ANO4: variants seen among roughly 807,000 people sequenced by gnomAD.
The protein encoded by ANO4 is anoctamin 4, also known as anoctamin-4.
ANO4 carries 69 observed loss-of-function variants against 141.9 expected under a neutral mutation model. The ratio of observed to expected loss-of-function variants is 0.49; its 90% confidence interval spans 0.40 to 0.59. The LOEUF (loss-of-function observed/expected upper bound fraction) is 0.59. ANO4 is among the 20% of genes least tolerant of loss of function. ANO4 has a pLI of 0.00. For synonymous variants in ANO4, 350 were observed against 394.3 expected, an observed-to-expected ratio of 0.89 and a Z score of 1.33; for missense variants, 894 against 1,162.2, an observed-to-expected ratio of 0.77 and a Z score of 3.36.
intron 1 of ANO4, among the ~76,000 whole-genome samples, chr12:100,872,928 C>T (rs572049333): frequency 6.6e-5 from 10 of 152,214 alleles, no homozygotes; most frequent in South Asian, 6.2e-4. Flanking sequence ...ATCATGGGGG[C>T]GGATTTCCTC....
At chr12:101,089,011 CT>C (rs534990209) in intron 17 of ANO4, among the ~76,000 whole-genome samples, 90 of 152,290 alleles carry the variant, frequency 5.9e-4, no homozygotes, top group African/African-American at 2.0e-3. Flanking sequence ...TATAGTTCCC[CT>C]ATCCTTATTT....
At chr12:100,785,534 A>G (rs1047254528) in intron 3 of ANO4, among the ~76,000 whole-genome samples, 5 of 152,170 alleles carry the variant, frequency 3.3e-5, no homozygotes, top group Non-Finnish European at 7.3e-5. Context: ...ACACTTAGTA[A>G]TATGCATTTA....
At chr12:101,082,914 C>T (rs962782780) in intron 15 of ANO4, among the ~76,000 whole-genome samples, 1 of 152,202 alleles carries the variant, frequency 6.6e-6, no homozygotes, top group Non-Finnish European at 1.5e-5. Flanking sequence ...TAACGGGAAC[C>T]ACATCAGGTT....
chr12:100,752,397 T>C (rs181332741), intron 3 of ANO4, among the ~76,000 whole-genome samples: 5 of 152,138 alleles, frequency 3.3e-5, no homozygotes, highest in South Asian at 2.1e-4. Flanking sequence ...TGAAAAAAAA[T>C]TTAAGGAAAT....
intron 8 of ANO4, among the ~76,000 whole-genome samples, chr12:100,994,295 G>T (rs1555270971): frequency 6.6e-6 from 1 of 152,146 alleles, no homozygotes; most frequent in Non-Finnish European, 1.5e-5. Context: ...GTCCATTTAA[G>T]AATTAATTTA....
At chr12:101,048,086 T>C in intron 13 of ANO4, 1 of 1,189,002 alleles carries the variant, frequency 8.4e-7, no homozygotes, top group Non-Finnish European at 1.1e-6. Context: ...AGTAGCACTA[T>C]TGGGGATGCT....
intron 1 of ANO4, among the ~76,000 whole-genome samples, chr12:100,888,609 C>T (rs1325953764): frequency 2.0e-5 from 3 of 152,234 alleles, no homozygotes; most frequent in Non-Finnish European, 4.4e-5. Context: ...CCTTCTTGTG[C>T]CTCCATTGGC....
chr12:101,099,535 T>C (rs375645057), intron 21 of ANO4, 43 bp from the exon 22 acceptor site: 9 of 1,540,960 alleles, frequency 5.8e-6, no homozygotes, highest in Non-Finnish European at 5.2e-6. Flanking sequence ...CTAAGTCATA[T>C]GATCAGTTAC....
chr12:100,816,975 ATT>A lies in ANO4; in HGVS notation c.-141+21950_-141+21951del, dbSNP rs374445205. On this transcript the variant is annotated intron_variant, in intron 1 of 27. Coordinates refer to ENST00000392977, the MANE Select transcript of ANO4 (RefSeq NM_001286615.2). ...TAAAAAATAGAGATTAGAACATCTG[ATT>A]TCAGATATTTAAAAAAACTTAGATA... 5.3e-5 allele frequency among the ~76,000 whole-genome samples: 3 copies of A among 56,272 alleles called. No individual in the cohort carries two copies. In the East Asian group the frequency reaches 1.6e-3, roughly 30 times the overall value. 36.9% of individuals were successfully genotyped at this position (56,272 alleles called of 152,430 possible). A position where few individuals can be genotyped will look rare whatever the true frequency, so the allele number is the denominator to read the frequency against.
At position 101,127,961 on chromosome 12, in the gene ANO4, A is replaced by T. The variant is rs563648915; in HGVS notation, c.*105A>T. 2.0e-5 allele frequency: 3 copies of T among 152,796 alleles called. No individual in the cohort carries two copies. The highest frequency in any genetic ancestry group is 4.4e-5 in the Non-Finnish European group (3 of 68,054). 9.5% of individuals were successfully genotyped at this position (152,796 alleles called of 1,614,324 possible). On this transcript the variant is annotated 3_prime_UTR_variant, in exon 28 of 28. Transcript: ENST00000392977. Reference sequence around the variant, plus strand: ...ATGACTAAAAATGCAACCACAGTGCATGTTGCAGATACCGGCGGCCGCAGG... The same window carrying T: ...ATGACTAAAAATGCAACCACAGTGCTTGTTGCAGATACCGGCGGCCGCAGG...
intron 5 of ANO4, among the ~76,000 whole-genome samples, chr12:100,964,998 C>G (rs2043589769): frequency 6.6e-6 from 1 of 152,156 alleles, no homozygotes; most frequent in Admixed American, 6.5e-5. Flanking sequence ...TTCCCAGCAC[C>G]TAGGACAGGC....
At chr12:100,961,847 G>A (rs913827884) in intron 5 of ANO4, among the ~76,000 whole-genome samples, 1 of 152,168 alleles carries the variant, frequency 6.6e-6, no homozygotes, top group Admixed American at 6.5e-5. Context: ...GCTGTTTGAA[G>A]TTACTGATAT....
chr12:100,822,339 C>T (rs1053357533), intron 1 of ANO4, among the ~76,000 whole-genome samples: 34 of 151,932 alleles, frequency 2.2e-4, no homozygotes, highest in African/African-American at 7.7e-4. Flanking sequence ...CACTTCTTTC[C>T]CCAAAGTCCC....
intron 24 of ANO4, among the ~76,000 whole-genome samples, chr12:101,116,359 A>G (rs2050850687): frequency 6.6e-6 from 1 of 152,196 alleles, no homozygotes; most frequent in African/African-American, 2.4e-5. Flanking sequence ...ATCATCAACA[A>G]AAGAAGCTGT....
Position 101,040,071 on chromosome 12 carries a change from T to G in ANO4, c.1014T>G (p.Leu338=). ...GGTATAAATACCAACCTTTGGATCT[T>G]GTAAGGTGAGTTTTTAATCAGCTGC... ...GVWYKYQPLD[L]VRRYFGEKIG... is the part of the protein sequence containing the mutation. The change falls in exon 11 of 28, where the codon CTT becomes CTG. Residue 338 remains leucine, a synonymous_variant. Coordinates refer to ENST00000392977, the MANE Select transcript of ANO4 (RefSeq NM_001286615.2). The G allele has an allele frequency of 6.2e-7, 1 of 1,603,850 alleles. No individual in the cohort carries two copies. Among genetic ancestry groups the G allele is most frequent in the Non-Finnish European group, 8.5e-7 (1 of 1,173,320 alleles).
At chr12:101,082,516 A>G (rs1031173780) in intron 15 of ANO4, among the ~76,000 whole-genome samples, 1 of 152,222 alleles carries the variant, frequency 6.6e-6, no homozygotes, top group Non-Finnish European at 1.5e-5. Context: ...AAGTTTCCCA[A>G]AGAAGCAGAA....
At chr12:100,974,620 G>T (rs964342135) in intron 6 of ANO4, among the ~76,000 whole-genome samples, 3 of 151,978 alleles carry the variant, frequency 2.0e-5, no homozygotes, top group Non-Finnish European at 4.4e-5. Context: ...TATGGTAATG[G>T]GTAGAGGAAG....
chr12:100,792,615 G>A (rs1026688934), upstream of ANO4, among the ~76,000 whole-genome samples: 5 of 152,252 alleles, frequency 3.3e-5, no homozygotes, highest in Non-Finnish European at 5.9e-5. Flanking sequence ...AATTAATGGC[G>A]TTTGAGTTAA....
intron 1 of ANO4, among the ~76,000 whole-genome samples, chr12:100,733,141 A>G (rs1348170100): frequency 6.6e-6 from 1 of 152,104 alleles, no homozygotes; most frequent in Non-Finnish European, 1.5e-5. Flanking sequence ...TCTTCCTAAA[A>G]CAAAAATAGG....
Sources: allele counts gnomAD v4.1 joint callset (sites outside exome capture counted in the v4.1 genomes callset), GRCh38; gene constraint gnomAD v4.1.1; transcripts MANE v1.5; gene names NCBI Gene and HGNC (gene_info 2026-07-23, HGNC 2026-07-21).